ABCB9: variants seen among roughly 807,000 people sequenced by gnomAD.
ABCB9 encodes ATP binding cassette subfamily B member 9, also known as ABC-type oligopeptide transporter ABCB9.
In ABCB9, 36 loss-of-function variants were observed where a neutral mutation model predicts 62.0. That is an observed-to-expected ratio of 0.58 (90% CI 0.45 to 0.77). The LOEUF (loss-of-function observed/expected upper bound fraction) is 0.77. Ranked by LOEUF, ABCB9 falls within the 30% of genes least tolerant of loss-of-function variation. The pLI is 0.00. For missense variants in ABCB9, 943 were observed against 1,054.7 expected, an observed-to-expected ratio of 0.89 and a Z score of 1.47; for synonymous variants, 435 against 461.4, an observed-to-expected ratio of 0.94 and a Z score of 0.73.
At chr12:122,968,385 C>T (rs2037232824), upstream of ABCB9, among the ~76,000 whole-genome samples, 1 of 152,126 alleles carries the variant, frequency 6.6e-6, no homozygotes, top group Non-Finnish European at 1.5e-5. Context: ...TAAAATGTGA[C>T]AAGGCCAGTG....
chr12:122,934,984 T>C (rs2035383314), intron 10 of ABCB9, among the ~76,000 whole-genome samples: 1 of 152,120 alleles, frequency 6.6e-6, no homozygotes, highest in Non-Finnish European at 1.5e-5. Context: ...CTACTTCCTC[T>C]TTTTCCCAGC....
chr12:122,965,332 G>A (rs1325430951), intron 1 of ABCB9, among the ~76,000 whole-genome samples: 1 of 152,228 alleles, frequency 6.6e-6, no homozygotes, highest in Non-Finnish European at 1.5e-5. Context: ...GACATGGTGA[G>A]CTTTTTACCC....
Position 122,940,080 on chromosome 12 carries a change from G to A in ABCB9, c.1743+31C>T, listed in dbSNP as rs763721939. ...AAAGACGGTTAGATGCAGAAAGGGC[G>A]GAGAAGTGTGGCCCAGGCCCGTGCA... On this transcript the variant is annotated intron_variant, in intron 9 of 11. Coordinates refer to ENST00000280560, the MANE Select transcript of ABCB9 (RefSeq NM_019625.4). This position sits in a 1 kb window ranked among gnomAD's most constrained non-coding sequence, Gnocchi z 4.8. The A allele has an allele frequency of 5.6e-5, 89 of 1,591,800 alleles. 2 individuals carry two copies. The highest frequency in any genetic ancestry group is 4.9e-4 in the South Asian group (43 of 88,206).
intron 1 of ABCB9, among the ~76,000 whole-genome samples, chr12:122,973,803 G>A (rs1424967852): frequency 2.0e-5 from 3 of 152,080 alleles, no homozygotes; most frequent in Non-Finnish European, 2.9e-5. Flanking sequence ...AGAGCTTACA[G>A]TGAGCCGAGA....
intron 7 of ABCB9, among the ~76,000 whole-genome samples, chr12:122,941,349 G>A (rs993708060): frequency 1.1e-4 from 16 of 146,026 alleles, no homozygotes; most frequent in African/African-American, 2.8e-4. Flanking sequence ...TCCCTCTGTC[G>A]CCCAGGCTGG....
In ABCB9 at chr12:122,959,015, G is replaced by A. The variant is rs1007029987; in HGVS notation, c.601+620C>T. On this transcript the variant is annotated intron_variant, in intron 2 of 11. Coordinates refer to ENST00000280560, the MANE Select transcript of ABCB9 (RefSeq NM_019625.4). This position sits in a 1 kb window ranked among gnomAD's most constrained non-coding sequence, Gnocchi z 5.4. ...CTCCCAAAGTGCTGGGATTACAGGCGTGAGCCACCGCGCCTGGCCTATTTT... is the reference window on the plus strand; with the variant it reads ...CTCCCAAAGTGCTGGGATTACAGGCATGAGCCACCGCGCCTGGCCTATTTT... Among the ~76,000 whole-genome samples the A allele has an allele frequency of 2.7e-5, 4 of 147,292 alleles. No individual in the cohort carries two copies. The highest frequency in any genetic ancestry group is 2.2e-4 in the South Asian group (1 of 4,478).
At chr12:122,948,440 GCCTGGGA>G in intron 5 of ABCB9, 177 bp downstream of exon 5, 2 of 595,842 alleles carry the variant, frequency 3.4e-6, no homozygotes, top group Non-Finnish European at 5.5e-6. Context: ...GTATCCCAGT[GCCTGGGA>G]CATAGCAGGT....
chr12:122,974,710 C>G (rs1024804776), intron 1 of ABCB9: 1 of 152,410 alleles, frequency 6.6e-6, no homozygotes, highest in Non-Finnish European at 1.5e-5. Flanking sequence ...GGTGGAGACA[C>G]TCACTGGGGC....
chr12:122,963,595 G>A (rs1389640585), intron 1 of ABCB9, among the ~76,000 whole-genome samples: 3 of 152,052 alleles, frequency 2.0e-5, no homozygotes, highest in South Asian at 2.1e-4. Flanking sequence ...AACCCTGGCC[G>A]TCCAGTTCCA....
downstream of ABCB9, chr12:122,924,830 G>A (rs1241236574): frequency 2.6e-6 from 4 of 1,534,380 alleles, no homozygotes; most frequent in Admixed American, 7.9e-5. Context: ...ACAGAAGGAG[G>A]ACAGTGACAT....
At chr12:122,935,943 T>G (rs2035436748) in intron 9 of ABCB9, among the ~76,000 whole-genome samples, 1 of 152,100 alleles carries the variant, frequency 6.6e-6, no homozygotes, top group South Asian at 2.1e-4. Flanking sequence ...TGGTGGCTCA[T>G]GCCTGTAATC....
In ABCB9 at chr12:122,956,257, C is replaced by T. The variant is rs370996463; in HGVS notation, c.601+3378G>A. On this transcript the variant is annotated intron_variant, in intron 2 of 11. Transcript: ENST00000280560. The stretch of plus-strand genomic sequence containing the variant: ...CACCCATGTGGATTCACTGACCTTT[C>T]CAACCCCATTGGAGGGGTACTACTA... Among the ~76,000 whole-genome samples the T allele has an allele frequency of 5.9e-5, 9 of 152,326 alleles. No homozygotes were observed. In the South Asian group the frequency reaches 1.7e-3, roughly 28 times the overall value.
chr12:122,948,780 C>T lies in ABCB9; in HGVS notation c.897G>A (p.Leu299=). The change falls in exon 5 of 12, where the codon CTG becomes CTA. Residue 299 remains leucine (L), a synonymous_variant. Coordinates refer to ENST00000280560, the MANE Select transcript of ABCB9 (RefSeq NM_019625.4). ...GGAAGACATTGATGTTCTGGGAGACCAGGTCGCTGACCATGGTGGTGTCCG... is the reference window on the plus strand; with the variant it reads ...GGAAGACATTGATGTTCTGGGAGACTAGGTCGCTGACCATGGTGGTGTCCG... The part of the protein sequence containing the change: ...LTSDTTMVSD[L]VSQNINVFLR... 1.2e-6 allele frequency: 2 copies of T among 1,607,100 alleles called. No individual in the cohort carries two copies. The highest frequency in any genetic ancestry group is 1.7e-6 in the Non-Finnish European group (2 of 1,176,450).
rs776732679 is a variant in ABCB9 at position 122,944,530 on chromosome 12, G to C, written c.1252-11C>G. ...CACCAGCAGTGTGAGCTGGGGCAGA[G>C]GGAGAGGGGATGTGGGTCGAGGGGA... On this transcript the variant is annotated splice_polypyrimidine_tract_variant and intron_variant, in intron 6 of 11. Transcript: ENST00000280560. The surrounding 1 kb of genome is among the most constrained non-coding windows in gnomAD (Gnocchi z 4.9). 6.2e-7 allele frequency: 1 copy of C among 1,613,380 alleles called. No homozygotes were observed. The highest frequency in any genetic ancestry group is 8.5e-7 in the Non-Finnish European group (1 of 1,179,706).
At chr12:122,968,595 G>A (rs569013625), upstream of ABCB9, among the ~76,000 whole-genome samples, 10 of 150,388 alleles carry the variant, frequency 6.6e-5, no homozygotes, top group Admixed American at 6.6e-4. Flanking sequence ...GCTTTCCAGC[G>A]ATCAAGTTTG....
At chr12:122,934,640 CAAAA>C (rs371538708) in intron 10 of ABCB9, among the ~76,000 whole-genome samples, 2 of 88,112 alleles carry the variant, frequency 2.3e-5, no homozygotes. Context: ...GCCCCTGCCT[CAAAA>C]AAAAAAAAAA....
chr12:122,961,382 G>A (rs79386203), intron 1 of ABCB9, among the ~76,000 whole-genome samples: 1 of 151,926 alleles, frequency 6.6e-6, no homozygotes, highest in Non-Finnish European at 1.5e-5. Flanking sequence ...TAGTAGAGAC[G>A]GGGTTTCACC....
chr12:122,951,038 G>C (rs2036341034), intron 2 of ABCB9: 1 of 144,940 alleles, frequency 6.9e-6, no homozygotes. Context: ...GTAGAGACAG[G>C]GGTCTCACTA....
chr12:122,928,600 A>G (rs1446365009), downstream of ABCB9, among the ~76,000 whole-genome samples: 1 of 151,842 alleles, frequency 6.6e-6, no homozygotes, highest in Non-Finnish European at 1.5e-5. Flanking sequence ...CCGGGCCCAA[A>G]CCTCCCTGCT....
Sources: gnomAD v4.1 joint callset for allele counts (sites outside exome capture counted in the v4.1 genomes callset) on GRCh38, gnomAD v4.1.1 for gene constraint, Gnocchi (gnomAD v3.1) non-coding constraint, MANE v1.5 for transcripts, NCBI Gene and HGNC (gene_info 2026-07-23, HGNC 2026-07-21) for gene names.